The following LUZP1 variants were observed in gnomAD, a reference collection of about 807,000 sequenced individuals.
LUZP1 encodes the protein filamin mechanobinding actin cross-linking protein.
LUZP1 carries 25 observed loss-of-function variants against 71.3 expected under a neutral mutation model. The ratio of observed to expected loss-of-function variants is 0.35; its 90% CI spans 0.26 to 0.49. LUZP1 has a LOEUF of 0.49. LUZP1 is among the 20% of genes least tolerant of loss of function. The pLI is 0.99. For missense variants in LUZP1, 1,142 were observed against 1,300.8 expected (o/e 0.88, Z 1.88); for synonymous variants, 481 against 506.4 (o/e 0.95, Z 0.67).
chr1:23,161,607 G>C (rs1051863730), intron 2 of LUZP1, among the ~76,000 whole-genome samples: 1 of 152,040 alleles, frequency 6.6e-6, no homozygotes, highest in African/African-American at 2.4e-5. Flanking sequence ...AATAAAATAA[G>C]AATAAAAATA....
chr1:23,104,581 T>TTGATAGAA (rs1643964498), intron 3 of LUZP1, among the ~76,000 whole-genome samples: 1 of 152,306 alleles, frequency 6.6e-6, no homozygotes, highest in Non-Finnish European at 1.5e-5. Context: ...TGTAGATGCT[T>TTGATAGAA]CTATCACTAT....
chr1:23,136,722 C>T (rs1644257225), intron 2 of LUZP1, among the ~76,000 whole-genome samples: 1 of 152,122 alleles, frequency 6.6e-6, no homozygotes, highest in South Asian at 2.1e-4. Context: ...TCCTGGCTAA[C>T]ACAGTGAAAC....
chr1:23,153,190 T>TCTTATCTCCTTC (rs1184373863), intron 2 of LUZP1, among the ~76,000 whole-genome samples: 3 of 152,194 alleles, frequency 2.0e-5, no homozygotes, highest in Non-Finnish European at 4.4e-5. Context: ...TACTTCACTA[T>TCTTATCTCCTTC]CTTATCTCCT....
At chr1:23,128,861 T>C (rs1210378680) in intron 2 of LUZP1, among the ~76,000 whole-genome samples, 1 of 152,252 alleles carries the variant, frequency 6.6e-6, no homozygotes, top group Admixed American at 6.5e-5. Flanking sequence ...AGATGTCAGA[T>C]CTGTAATACT....
rs745815650 is a variant in LUZP1 at position 23,093,091 on chromosome 1, G to T, written c.1171C>A (p.Arg391=). The stretch of plus-strand genomic sequence containing the variant: ...CGCTTATGCTGAGGAGACAGTTCCC[G>T]CGCTGTGTGCTTGGACACAGAAGCT... Residue 391 remains arginine, a synonymous_variant, in exon 4 of 5, where the codon CGG becomes AGG. Transcript: ENST00000302291. This position sits in a 1 kb window ranked among gnomAD's most constrained non-coding sequence, Gnocchi z 4.2. 1 of 1,614,044 alleles carries T rather than the reference G, an allele frequency of 6.2e-7. No individual in the cohort carries two copies.
intron 1 of LUZP1, among the ~76,000 whole-genome samples, chr1:23,174,686 A>G (rs1284789893): frequency 1.3e-5 from 2 of 152,218 alleles, no homozygotes; most frequent in African/African-American, 2.4e-5. Context: ...AAAAGGCAAT[A>G]AAGATATACA....
intron 2 of LUZP1, among the ~76,000 whole-genome samples, chr1:23,134,862 G>T (rs1644241854): frequency 6.6e-6 from 1 of 152,002 alleles, no homozygotes; most frequent in African/African-American, 2.4e-5. Context: ...TACATATGCA[G>T]AATGCGCAGG....
intron 2 of LUZP1, among the ~76,000 whole-genome samples, chr1:23,111,031 C>T (rs1321013301): frequency 6.6e-6 from 1 of 151,646 alleles, no homozygotes. Flanking sequence ...GAAACCCCAT[C>T]TCTACTAAAA....
intron 2 of LUZP1, among the ~76,000 whole-genome samples, chr1:23,162,360 C>A (rs1644474382): frequency 6.6e-6 from 1 of 151,946 alleles, no homozygotes; most frequent in Admixed American, 6.6e-5. Context: ...AAAAAAACAT[C>A]AAATTCCACT....
At chr1:23,129,094 G>A (rs111487964) in intron 2 of LUZP1, among the ~76,000 whole-genome samples, 49 of 152,318 alleles carry the variant, frequency 3.2e-4, no homozygotes, top group African/African-American at 1.2e-3. Context: ...GATATGAAAT[G>A]ATAAAATATT....
At chr1:23,091,320 C>T (rs1272963553) in exon 4 of LUZP1, 3 of 1,614,028 alleles carry the variant, frequency 1.9e-6, no homozygotes, top group Non-Finnish European at 2.5e-6. Flanking sequence ...ATCCCCTGAA[C>T]TTGGTCCTAC....
At chr1:23,148,191 C>T (rs894642403) in intron 2 of LUZP1, among the ~76,000 whole-genome samples, 4 of 152,056 alleles carry the variant, frequency 2.6e-5, no homozygotes, top group Admixed American at 6.6e-5. Flanking sequence ...TGATAAAGAC[C>T]GACCCGGAAC....
At chr1:23,158,727 G>C (rs1425535084) in intron 2 of LUZP1, among the ~76,000 whole-genome samples, 2 of 151,244 alleles carry the variant, frequency 1.3e-5, no homozygotes, top group Non-Finnish European at 2.9e-5. Context: ...AGCACTTTGG[G>C]AGGCGGAGGT....
intron 2 of LUZP1, among the ~76,000 whole-genome samples, chr1:23,116,687 G>A (rs1322618191): frequency 6.6e-6 from 1 of 152,114 alleles, no homozygotes; most frequent in Non-Finnish European, 1.5e-5. Flanking sequence ...AAAATGTAGA[G>A]TTGAGGATCA....
chr1:23,133,894 C>T (rs536834497), intron 2 of LUZP1, among the ~76,000 whole-genome samples: 1 of 152,166 alleles, frequency 6.6e-6, no homozygotes, highest in South Asian at 2.1e-4. Flanking sequence ...AAATGTCTAC[C>T]CTGAATCTAA....
chr1:23,138,665 G>GTGTT (rs1644274502), intron 2 of LUZP1, among the ~76,000 whole-genome samples: 1 of 97,824 alleles, frequency 1.0e-5, no homozygotes, highest in Non-Finnish European at 2.0e-5. Flanking sequence ...TTATGTGTTT[G>GTGTT]TGTGTGTGTG....
intron 2 of LUZP1, among the ~76,000 whole-genome samples, chr1:23,116,606 A>G (rs1173775140): frequency 6.6e-6 from 1 of 151,834 alleles, no homozygotes; most frequent in Non-Finnish European, 1.5e-5. Flanking sequence ...AGGCAAAGAG[A>G]AGAAAAAAGA....
chr1:23,153,662 T>TTTTTGTTTTGTTTTG (rs370339175), intron 2 of LUZP1, among the ~76,000 whole-genome samples: 4 of 152,188 alleles, frequency 2.6e-5, no homozygotes, highest in African/African-American at 9.7e-5. Context: ...CTCTTACCTG[T>TTTTTGTTTTGTTTTG]TTTTGTTTTG....
intron 2 of LUZP1, among the ~76,000 whole-genome samples, chr1:23,149,151 C>G (rs1450507609): frequency 8.5e-6 from 1 of 118,160 alleles, no homozygotes; most frequent in African/African-American, 3.2e-5. Context: ...CTGAAAACAA[C>G]ATAAGACTTT....
Sources: gnomAD v4.1 joint callset for allele counts (sites outside exome capture counted in the v4.1 genomes callset) on GRCh38, gnomAD v4.1.1 for gene constraint, Gnocchi (gnomAD v3.1) non-coding constraint, MANE v1.5 for transcripts, NCBI Gene and HGNC (gene_info 2026-07-23, HGNC 2026-07-21) for gene names.